Variants in NFATC3 observed in about 807,000 individuals in gnomAD.
The protein encoded by NFATC3 is nuclear factor of activated T cells 3, also known as nuclear factor of activated T-cells, cytoplasmic 3.
NFATC3 carries 46 observed loss-of-function variants against 98.6 expected under a neutral mutation model. The observed-to-expected ratio is 0.47, with a 90% CI of 0.37 to 0.60. NFATC3 has a LOEUF of 0.60. Ranked by LOEUF, NFATC3 falls within the 20% of genes least tolerant of loss-of-function variation. The pLI, the probability that NFATC3 is intolerant of heterozygous loss-of-function variation, is 0.00. For missense variants in NFATC3, 1,256 were observed against 1,295.5 expected, an observed-to-expected ratio of 0.97 and a Z score of 0.47; for synonymous variants, 512 against 472.2, an observed-to-expected ratio of 1.08 and a Z score of -1.09.
intron 4 of NFATC3, 109 bp from the exon 5 acceptor site, chr16:68,166,734 C>T: frequency 1.2e-6 from 1 of 814,828 alleles, no homozygotes; most frequent in South Asian, 2.3e-5. Context: ...CTTTTTTGAC[C>T]TAATTTTGGG....
rs375487450 is a variant in NFATC3, at chr16:68,158,369, TAAAC to T, written c.1601+304_1601+307del. Among the ~76,000 whole-genome samples the T allele has an allele frequency of 2.5e-4, 38 of 152,206 alleles. No individual in the cohort carries two copies. In the East Asian group the frequency reaches 7.1e-3, roughly 29 times the overall value. On this transcript the variant is annotated intron_variant, in intron 4 of 9. Transcript: ENST00000346183. ...TCTATCTAATAGGGTAGACAATAAA[TAAAC>T]AATTATGATACAATTATGATTGTTC...
At chr16:68,112,983 C>T (rs560743272) in intron 1 of NFATC3, among the ~76,000 whole-genome samples, 9 of 152,112 alleles carry the variant, frequency 5.9e-5, no homozygotes, top group Non-Finnish European at 1.3e-4. Flanking sequence ...GTTAACAGCT[C>T]CTGTAATGTT....
rs1487085853 is a variant in NFATC3 at position 68,228,130 on chromosome 16, T to C, written c.*1659T>C. On this transcript the variant is annotated 3_prime_UTR_variant, in exon 10 of 10. Transcript: ENST00000346183. The stretch of plus-strand genomic sequence containing the variant: ...GTTGACTCAGGATGAGGAAGTATGG[T>C]CTTTAAAAAAAACAAAATATATTTT... 6.6e-6 allele frequency: 1 copy of C among 152,138 alleles called. No homozygotes were observed. Among genetic ancestry groups the C allele is most frequent in the African/African-American group, 2.4e-5 (1 of 41,426 alleles). The allele number at this position is 152,138 out of a possible 1,614,324, so 9.4% of individuals were successfully genotyped here.
intron 9 of NFATC3, among the ~76,000 whole-genome samples, chr16:68,201,276 G>T (rs2040899043): frequency 6.6e-6 from 1 of 151,990 alleles, no homozygotes; most frequent in South Asian, 2.1e-4. Flanking sequence ...TGTTGCACAG[G>T]CTGGAGTGCA....
At chr16:68,086,798 G>C in intron 1 of NFATC3, 1 of 985,126 alleles carries the variant, frequency 1.0e-6, no homozygotes, top group Non-Finnish European at 1.2e-6. Flanking sequence ...TTCTCTAGGC[G>C]GTACTTATTT....
At chr16:68,087,667 A>G (rs1245867602) in intron 1 of NFATC3, among the ~76,000 whole-genome samples, 1 of 152,212 alleles carries the variant, frequency 6.6e-6, no homozygotes, top group African/African-American at 2.4e-5. Context: ...TTCTTCATCC[A>G]AAAGAAAACT....
chr16:68,139,053 G>A (rs1386867552), intron 3 of NFATC3, among the ~76,000 whole-genome samples: 1 of 152,192 alleles, frequency 6.6e-6, no homozygotes, highest in Non-Finnish European at 1.5e-5. Flanking sequence ...TGCTAGGGAT[G>A]CAGAGATGAA....
intron 9 of NFATC3, among the ~76,000 whole-genome samples, chr16:68,205,350 CA>C (rs1433218983): frequency 2.0e-5 from 3 of 151,960 alleles, no homozygotes; most frequent in Non-Finnish European, 2.9e-5. Context: ...CAGGCTCCAG[CA>C]TTTCTCTCCC....
At chr16:68,224,125 TTA>T (rs1491276682) in intron 9 of NFATC3, among the ~76,000 whole-genome samples, 2,171 of 142,192 alleles carry the variant, frequency 0.015, 63 homozygotes, top group African/African-American at 0.051. Context: ...ATGCACCAGT[TTA>T]AAAAAAAAAA....
intron 5 of NFATC3, among the ~76,000 whole-genome samples, chr16:68,170,964 A>G (rs2039431010): frequency 6.6e-6 from 1 of 152,072 alleles, no homozygotes; most frequent in Admixed American, 6.6e-5. Context: ...TATTTTCATC[A>G]CGCAAGTAGT....
At chr16:68,126,695 G>C (rs1232438200) in intron 3 of NFATC3, 85 bp downstream of exon 3, 2 of 1,363,680 alleles carry the variant, frequency 1.5e-6, no homozygotes, top group Non-Finnish European at 1.0e-6. Context: ...ACTAGAGAGT[G>C]CAAAGAGCAT....
intron 1 of NFATC3, among the ~76,000 whole-genome samples, chr16:68,093,356 G>A (rs2034832307): frequency 6.6e-6 from 1 of 152,086 alleles, no homozygotes; most frequent in South Asian, 2.1e-4. Flanking sequence ...CATTTTACAG[G>A]AGAGGAAATT....
intron 3 of NFATC3, among the ~76,000 whole-genome samples, chr16:68,135,228 A>G (rs1373314782): frequency 6.6e-6 from 1 of 151,892 alleles, no homozygotes; most frequent in Non-Finnish European, 1.5e-5. Flanking sequence ...GGAGGCCGAG[A>G]TGGACGGATC....
At chr16:68,217,743 G>T in intron 9 of NFATC3, 1 of 1,231,584 alleles carries the variant, frequency 8.1e-7, no homozygotes, top group South Asian at 4.1e-5. Context: ...ACTTAGTCAT[G>T]ACTGAGTCTT....
intron 5 of NFATC3, among the ~76,000 whole-genome samples, chr16:68,171,709 A>G (rs1390734212): frequency 6.6e-6 from 1 of 152,076 alleles, no homozygotes; most frequent in East Asian, 1.9e-4. Flanking sequence ...TCCTGACCTC[A>G]GGTGATCCAC....
chr16:68,211,348 C>G (rs1346127367), intron 9 of NFATC3, among the ~76,000 whole-genome samples: 1 of 150,644 alleles, frequency 6.6e-6, no homozygotes, highest in East Asian at 2.0e-4. Context: ...CCACTATGCC[C>G]AGCTAATTTT....
At chr16:68,151,426 ACTC>A (rs1316569581) in intron 3 of NFATC3, among the ~76,000 whole-genome samples, 1 of 152,042 alleles carries the variant, frequency 6.6e-6, no homozygotes, top group African/African-American at 2.4e-5. Context: ...GAAATGATGA[ACTC>A]TTTACATGGT....
At chr16:68,121,242 C>CTTT (rs753615194) in intron 1 of NFATC3, among the ~76,000 whole-genome samples, 162 of 102,340 alleles carry the variant, frequency 1.6e-3, no homozygotes, top group East Asian at 2.4e-3. Flanking sequence ...CTTTTCTTTT[C>CTTT]TTTTTTTTTT....
At chr16:68,141,292 T>A (rs557016080) in intron 3 of NFATC3, among the ~76,000 whole-genome samples, 2 of 152,346 alleles carry the variant, frequency 1.3e-5, no homozygotes, top group East Asian at 3.9e-4. Context: ...CTTTTTGACA[T>A]AATGACTTCT....
Sources: allele counts gnomAD v4.1 joint callset (sites outside exome capture counted in the v4.1 genomes callset), GRCh38; gene constraint gnomAD v4.1.1; transcripts MANE v1.5; gene names NCBI Gene and HGNC (gene_info 2026-07-23, HGNC 2026-07-21).